The following ERAP1 variants were observed in gnomAD, a reference collection of about 807,000 sequenced individuals.
The protein encoded by ERAP1 is adipocyte-derived leucine aminopeptidase.
In ERAP1, 86 loss-of-function variants were observed where a neutral mutation model predicts 103.7. The ratio of observed to expected loss-of-function variants is 0.83; its 90% confidence interval spans 0.70 to 0.99. The LOEUF is 0.99. ERAP1 is among the 50% of genes least tolerant of loss of function. ERAP1 has a pLI of 0.00. For synonymous variants in ERAP1, 398 were observed against 402.4 expected (o/e 0.99, Z 0.13); for missense variants, 1,009 against 1,128.4 (o/e 0.89, Z 1.52).
chr5:96,809,370 T>C (rs375778991), upstream of ERAP1, among the ~76,000 whole-genome samples: 6 of 152,310 alleles, frequency 3.9e-5, no homozygotes, highest in East Asian at 1.2e-3. Context: ...CTCTGATAAT[T>C]TGGTGAGTGG....
At chr5:96,911,338 C>A in the ERAP1 span, among the ~76,000 whole-genome samples, 1 of 152,238 alleles carries the variant, frequency 6.6e-6, no homozygotes, top group Admixed American at 6.5e-5. Flanking sequence ...TCTGAGACAT[C>A]AATAACAGTT....
chr5:96,883,991 G>T, the ERAP1 span: 2 of 1,479,306 alleles, frequency 1.4e-6, no homozygotes, highest in Non-Finnish European at 9.0e-7. Context: ...GTCTTCGTTT[G>T]TTTTTTAAAA....
At chr5:96,907,290 TA>T in the ERAP1 span, among the ~76,000 whole-genome samples, 1 of 152,140 alleles carries the variant, frequency 6.6e-6, no homozygotes. Context: ...AGTAACTATA[TA>T]AAAAGAAAAG....
chr5:96,909,218 G>T, the ERAP1 span: 1 of 1,150,300 alleles, frequency 8.7e-7, no homozygotes, highest in East Asian at 2.4e-5. Flanking sequence ...GTTAAATCTG[G>T]AGCAGCTCGG....
At chr5:96,767,061 A>T (rs575024517) in intron 19 of ERAP1, among the ~76,000 whole-genome samples, 2 of 152,368 alleles carry the variant, frequency 1.3e-5, no homozygotes, top group Admixed American at 1.3e-4. Context: ...TGAAGCTGGG[A>T]AAAATCCCTG....
At chr5:96,925,972 G>A in the ERAP1 span, among the ~76,000 whole-genome samples, 8 of 147,452 alleles carry the variant, frequency 5.4e-5, no homozygotes, top group East Asian at 2.0e-4. Flanking sequence ...CTGCAGTGGC[G>A]TGATCTCGGC....
At chr5:96,896,815 C>G in the ERAP1 span, 2 of 1,295,270 alleles carry the variant, frequency 1.5e-6, no homozygotes, top group Non-Finnish European at 2.0e-6. Flanking sequence ...TAAAGAAGTT[C>G]AGCTATAGAA....
the ERAP1 span, among the ~76,000 whole-genome samples, chr5:96,854,905 A>C: frequency 1.3e-5 from 2 of 152,170 alleles, no homozygotes; most frequent in Admixed American, 1.3e-4. Context: ...AACATGAGAG[A>C]AATATCTTCA....
the ERAP1 span, among the ~76,000 whole-genome samples, chr5:96,884,985 A>G: frequency 6.6e-6 from 1 of 152,200 alleles, no homozygotes; most frequent in African/African-American, 2.4e-5. Context: ...CCATCCTGGA[A>G]GAACTTACAC....
chr5:96,886,487 A>C, the ERAP1 span, among the ~76,000 whole-genome samples: 2 of 152,162 alleles, frequency 1.3e-5, no homozygotes, highest in Non-Finnish European at 1.5e-5. Context: ...AAAGCAATGG[A>C]GGTAAGAGAG....
the ERAP1 span, chr5:96,884,071 T>TATC: frequency 1.1e-5 from 6 of 562,478 alleles, no homozygotes; most frequent in Admixed American, 8.5e-5. Flanking sequence ...TCTATCTATC[T>TATC]ATCTATCTAT....
the ERAP1 span, among the ~76,000 whole-genome samples, chr5:96,838,845 C>G: frequency 6.6e-6 from 1 of 151,968 alleles, no homozygotes; most frequent in Non-Finnish European, 1.5e-5. Context: ...ATTTGCCATG[C>G]AATTCTGATG....
At chr5:96,847,705 G>A in the ERAP1 span, among the ~76,000 whole-genome samples, 2 of 152,184 alleles carry the variant, frequency 1.3e-5, no homozygotes, top group African/African-American at 4.8e-5. Context: ...AAATTAAACA[G>A]TAGACTCCCG....
At chr5:96,910,531 G>A in the ERAP1 span, among the ~76,000 whole-genome samples, 2 of 151,456 alleles carry the variant, frequency 1.3e-5, no homozygotes, top group Non-Finnish European at 2.9e-5. Context: ...GGTTGTATGA[G>A]TGAAGCTAAA....
chr5:96,836,251 G>C, the ERAP1 span, among the ~76,000 whole-genome samples: 22 of 144,806 alleles, frequency 1.5e-4, no homozygotes, highest in African/African-American at 5.4e-4. Context: ...ACCCAGACTG[G>C]AGTGCAGTGG....
chr5:96,913,374 CCTT>C, the ERAP1 span: 7 of 1,613,966 alleles, frequency 4.3e-6, no homozygotes, highest in Middle Eastern at 3.3e-4. Flanking sequence ...TGGCAGCTCT[CCTT>C]CATGCGATTG....
chr5:96,917,478 A>C, the ERAP1 span: 2 of 1,602,470 alleles, frequency 1.2e-6, no homozygotes, highest in Admixed American at 1.7e-5. Flanking sequence ...CTATTTTTTG[A>C]ATCTCTTGAG....
intron 15 of ERAP1, among the ~76,000 whole-genome samples, 159 bp downstream of exon 15, chr5:96,782,892 G>A (rs1250072928): frequency 2.0e-5 from 3 of 152,046 alleles, no homozygotes; most frequent in South Asian, 2.1e-4. Context: ...TTAAAGTTAC[G>A]AGATACATAG....
rs1773638165 is a variant in ERAP1 at position 96,774,523 on chromosome 5, C to A, written c.*1873G>T. The stretch of plus-strand genomic sequence containing the variant: ...CAATTTTTTATTATCAAAAAGGTTT[C>A]TGCACATTGTTGTGGCAATATTGTA... On this transcript the variant is annotated 3_prime_UTR_variant, in exon 19 of 19. Transcript: ENST00000443439. 1 of 986,140 alleles carries A rather than the reference C, an allele frequency of 1.0e-6. No individual in the cohort carries two copies. The highest frequency in any genetic ancestry group is 4.7e-5 in the South Asian group (1 of 21,288). The allele number at this position is 986,140 out of a possible 1,614,324, so 61.1% of individuals were successfully genotyped here.
Sources: allele counts gnomAD v4.1 joint callset (sites outside exome capture counted in the v4.1 genomes callset), GRCh38; gene constraint gnomAD v4.1.1; transcripts MANE v1.5; gene names NCBI Gene and HGNC (gene_info 2026-07-23, HGNC 2026-07-21).